The following ADAMTSL1 variants were observed in gnomAD, a reference collection of about 807,000 sequenced individuals.
ADAMTSL1 encodes ADAMTS like 1.
A neutral mutation model predicts 201.8 loss-of-function variants in ADAMTSL1; 126 were observed. That is an observed-to-expected ratio of 0.62 (90% CI 0.54 to 0.72). The LOEUF is 0.72. Ranked by LOEUF, ADAMTSL1 falls within the 30% of genes least tolerant of loss-of-function variation. The probability of loss-of-function intolerance (pLI) is 0.00; values close to 1 mark genes in which losing one functional copy is unlikely to be tolerated. For missense variants in ADAMTSL1, 2,679 were observed against 2,277.8 expected (o/e 1.18, Z -3.59); for synonymous variants, 1,121 against 903.4 (o/e 1.24, Z -4.32).
chr9:18,371,877 C>A (rs1837057334), intron 2 of ADAMTSL1, among the ~76,000 whole-genome samples: 1 of 152,178 alleles, frequency 6.6e-6, no homozygotes, highest in African/African-American at 2.4e-5. Context: ...CCTACAAGGG[C>A]TCTGGGCTCA....
In ADAMTSL1 at chr9:18,120,403, C is replaced by T. The variant is rs566019445; in HGVS notation, c.88-43459C>T. 1.3e-4 allele frequency among the ~76,000 whole-genome samples: 20 copies of T among 152,186 alleles called. 1 individual carries two copies. The South Asian group carries it at 3.9e-3, about 30-fold the overall frequency. Reference sequence around the variant, plus strand: ...TGTTCATCACACACCATTCCTGGTACAATACAAGAGGGGAATGGAGGAGGT... The same window carrying T: ...TGTTCATCACACACCATTCCTGGTATAATACAAGAGGGGAATGGAGGAGGT... On this transcript the variant is annotated intron_variant, in intron 1 of 29. Transcript: ENST00000680146.
chr9:17,947,864 C>T (rs1316626757), intron 1 of ADAMTSL1, among the ~76,000 whole-genome samples: 2 of 152,098 alleles, frequency 1.3e-5, no homozygotes, highest in Admixed American at 6.6e-5. Context: ...AAAAGTCATG[C>T]GTCAAAGAGT....
chr9:18,403,695 C>T (rs967050224), intron 2 of ADAMTSL1, among the ~76,000 whole-genome samples: 1 of 152,138 alleles, frequency 6.6e-6, no homozygotes, highest in Non-Finnish European at 1.5e-5. Context: ...GTGATAGGTA[C>T]AATTTGTCTT....
intron 2 of ADAMTSL1, among the ~76,000 whole-genome samples, chr9:18,258,443 G>A (rs1188012045): frequency 9.9e-5 from 15 of 152,172 alleles, no homozygotes; most frequent in Non-Finnish European, 1.5e-5. Flanking sequence ...GGGAATGCAG[G>A]GAGAGCCTCA....
intron 1 of ADAMTSL1, among the ~76,000 whole-genome samples, chr9:18,097,228 T>C (rs1455835673): frequency 6.6e-6 from 1 of 152,216 alleles, no homozygotes; most frequent in Non-Finnish European, 1.5e-5. Flanking sequence ...TAGGATAACA[T>C]TTTTGAATGT....
intron 2 of ADAMTSL1, among the ~76,000 whole-genome samples, chr9:18,257,031 T>C (rs192818729): frequency 2.6e-5 from 4 of 152,342 alleles, no homozygotes; most frequent in Non-Finnish European, 5.9e-5. Context: ...TTTCCTGATA[T>C]CTTCAACTTA....
At chr9:18,692,034 G>A (rs1319853380) in intron 13 of ADAMTSL1, among the ~76,000 whole-genome samples, 1 of 152,098 alleles carries the variant, frequency 6.6e-6, no homozygotes, top group African/African-American at 2.4e-5. Context: ...ATTTGAGAGA[G>A]AACAACAATA....
chr9:18,039,828 G>T (rs1821359864), intron 1 of ADAMTSL1, among the ~76,000 whole-genome samples: 1 of 152,138 alleles, frequency 6.6e-6, no homozygotes, highest in South Asian at 2.1e-4. Flanking sequence ...GGTAAGGTTT[G>T]GGTTTTGGGA....
chr9:18,203,025 G>A (rs149071059), intron 2 of ADAMTSL1, among the ~76,000 whole-genome samples: 1 of 152,142 alleles, frequency 6.6e-6, no homozygotes, highest in Non-Finnish European at 1.5e-5. Flanking sequence ...TGGAACTCCC[G>A]AGGTCCCCAA....
chr9:18,469,556 A>T (rs1821127808), upstream of ADAMTSL1, among the ~76,000 whole-genome samples: 1 of 152,230 alleles, frequency 6.6e-6, no homozygotes, highest in African/African-American at 2.4e-5. Flanking sequence ...TCACCATGGG[A>T]GTTGCTGCCT....
chr9:18,220,151 T>C (rs1215579359), intron 2 of ADAMTSL1, among the ~76,000 whole-genome samples: 2 of 152,186 alleles, frequency 1.3e-5, no homozygotes, highest in East Asian at 3.8e-4. Flanking sequence ...AAGATCAAAT[T>C]CGTATCTTTA....
chr9:18,705,267 G>T (rs180915841), intron 13 of ADAMTSL1, among the ~76,000 whole-genome samples: 1 of 152,290 alleles, frequency 6.6e-6, no homozygotes, highest in Admixed American at 6.5e-5. Context: ...TCTGCAGCAC[G>T]ACTCCCTGTG....
At chr9:18,606,868 T>C (rs563485345) in intron 4 of ADAMTSL1, among the ~76,000 whole-genome samples, 1 of 152,270 alleles carries the variant, frequency 6.6e-6, no homozygotes, top group African/African-American at 2.4e-5. Context: ...TTCCCACTCT[T>C]CAGAATAATT....
At chr9:17,917,109 C>T (rs774661337) in intron 1 of ADAMTSL1, among the ~76,000 whole-genome samples, 15 of 151,512 alleles carry the variant, frequency 9.9e-5, no homozygotes, top group African/African-American at 1.5e-4. Flanking sequence ...TCTTGTTTTC[C>T]GCAACTTTAT....
intron 2 of ADAMTSL1, among the ~76,000 whole-genome samples, chr9:18,531,582 T>A (rs1485430394): frequency 1.3e-5 from 2 of 152,208 alleles, no homozygotes; most frequent in East Asian, 1.9e-4. Context: ...ACCCTTTCTA[T>A]ATTTTTAAGA....
intron 15 of ADAMTSL1, among the ~76,000 whole-genome samples, chr9:18,731,893 C>G (rs1818236683): frequency 6.6e-6 from 1 of 152,166 alleles, no homozygotes. Flanking sequence ...TCATGAGAAG[C>G]CATGCCTATC....
At chr9:18,461,730 A>G (rs993442763) in intron 2 of ADAMTSL1, among the ~76,000 whole-genome samples, 32 of 152,202 alleles carry the variant, frequency 2.1e-4, no homozygotes, top group African/African-American at 7.5e-4. Flanking sequence ...ACTGAACCAC[A>G]ATAGTAGTCT....
intron 2 of ADAMTSL1, among the ~76,000 whole-genome samples, chr9:18,451,475 G>T (rs1820403639): frequency 6.6e-6 from 1 of 152,220 alleles, no homozygotes; most frequent in African/African-American, 2.4e-5. Flanking sequence ...CAGAAGAGAA[G>T]AATTGTGTTA....
chr9:17,906,931 G>A (rs933272385), intron 1 of ADAMTSL1: 6 of 152,274 alleles, frequency 3.9e-5, no homozygotes, highest in Non-Finnish European at 7.3e-5. Context: ...AGGTAGGGTA[G>A]CCTGTGCGTC....
Sources: gnomAD v4.1 joint callset for allele counts (sites outside exome capture counted in the v4.1 genomes callset) on GRCh38, gnomAD v4.1.1 for gene constraint, MANE v1.5 for transcripts, NCBI Gene and HGNC (gene_info 2026-07-23, HGNC 2026-07-21) for gene names.